Variants in EXOSC2 observed in about 807,000 individuals in gnomAD.
EXOSC2 encodes the protein exosome complex component RRP4.
EXOSC2 carries 29 observed loss-of-function variants against 37.6 expected under a neutral mutation model. The ratio of observed to expected loss-of-function variants is 0.77; its 90% CI spans 0.57 to 1.05. The LOEUF is 1.05. EXOSC2 is among the 50% of genes least tolerant of loss of function. EXOSC2 has a pLI of 0.00. For synonymous variants in EXOSC2, 119 were observed against 131.1 expected, an observed-to-expected ratio of 0.91 and a Z score of 0.63; for missense variants, 346 against 365.6, an observed-to-expected ratio of 0.95 and a Z score of 0.44.
At position 130,698,239 on chromosome 9, in the gene EXOSC2, T is replaced by C; in HGVS notation, c.348T>C (p.Pro116=). ...TGCTGCTCTCGTCCATGAACCTTCC[T>C]GGAGGAGAGCTGGTAAGGGCTACAG... ...SVLLLSSMNL[P]GGELRRRSAE... The change falls in exon 4 of 9, where the codon CCT becomes CCC. Residue 116 remains proline (P), a synonymous_variant. Transcript: ENST00000372358. The surrounding 1 kb of genome is among the most constrained non-coding windows in gnomAD (Gnocchi z 4.1). 1.9e-6 allele frequency: 3 copies of C among 1,614,026 alleles called. No individual in the cohort carries two copies. The highest frequency in any genetic ancestry group is 2.5e-6 in the Non-Finnish European group (3 of 1,179,990).
intron 6 of EXOSC2, chr9:130,701,838 G>A: frequency 8.8e-7 from 1 of 1,137,676 alleles, no homozygotes; most frequent in Non-Finnish European, 1.1e-6. Context: ...TTCCTCATTG[G>A]CTTCAGCTTC....
At chr9:130,701,896 C>A in intron 6 of EXOSC2, 18 of 1,327,192 alleles carry the variant, frequency 1.4e-5, no homozygotes, top group Non-Finnish European at 1.7e-5. Flanking sequence ...AGGAAGACTG[C>A]AAAGGGAAAT....
chr9:130,695,985 C>T (rs561848830), intron 2 of EXOSC2, among the ~76,000 whole-genome samples: 38 of 151,760 alleles, frequency 2.5e-4, no homozygotes, highest in African/African-American at 8.9e-4. Context: ...TTCAGCCTCC[C>T]GAGTAGCTGG....
intron 2 of EXOSC2, among the ~76,000 whole-genome samples, chr9:130,695,855 C>CTTTTTTTTTTTT (rs397721632): frequency 9.0e-6 from 1 of 111,206 alleles, no homozygotes; most frequent in Non-Finnish European, 1.8e-5. Flanking sequence ...AGGATTTTCT[C>CTTTTTTTTTTTT]TTTTTTTTTT....
In EXOSC2 at chr9:130,700,952, A is replaced by C; in HGVS notation, c.495+17A>C. On this transcript the variant is annotated intron_variant, in intron 6 of 8. Transcript: ENST00000372358. The stretch of plus-strand genomic sequence containing the variant: ...TATGGAAAAGTAAGTCGGGCTCTTG[A>C]TGTTCCTGTTTGCTGACTGAGACTA... 1 of 1,613,578 alleles carries C rather than the reference A, an allele frequency of 6.2e-7. No individual in the cohort carries two copies. The highest frequency in any genetic ancestry group is 8.5e-7 in the Non-Finnish European group (1 of 1,179,592).
In EXOSC2 at chr9:130,701,646, G is replaced by C. The variant is rs1453401714; in HGVS notation, c.496-488G>C. 9.1e-6 allele frequency: 9 copies of C among 984,062 alleles called. No individual in the cohort carries two copies. The African/African-American group carries it at 1.4e-4, about 15-fold the overall frequency. 61.0% of individuals were successfully genotyped at this position (984,062 alleles called of 1,614,324 possible). On this transcript the variant is annotated intron_variant, in intron 6 of 8. Coordinates refer to ENST00000372358, the MANE Select transcript of EXOSC2 (RefSeq NM_014285.7). ...CCTGGGTCCTGCGGACTCTTCCTTG[G>C]CAGGACGTGGACTTGAGCTGTCCTG...
chr9:130,702,222 T>C lies in EXOSC2; in HGVS notation c.584T>C (p.Val195Ala), dbSNP rs1387405544. 8.7e-6 allele frequency: 14 copies of C among 1,614,060 alleles called. No homozygotes were observed. Among genetic ancestry groups the C allele is most frequent in the Non-Finnish European group, 1.2e-5 (14 of 1,180,026 alleles). The change falls in exon 7 of 9, where the codon GTG becomes GCG. Residue 195 changes from valine to alanine, a missense_variant. Transcript: ENST00000372358. ...HFHDLPCGAS[V>A]ILGNNGFIWI... ...CATGATTTGCCATGTGGTGCCTCAGTGATTCTCGGTAACAACGGCTTCATC... is the reference window on the plus strand; with the variant it reads ...CATGATTTGCCATGTGGTGCCTCAGCGATTCTCGGTAACAACGGCTTCATC...
intron 6 of EXOSC2, 149 bp from the exon 7 acceptor site, chr9:130,701,985 A>G: frequency 3.5e-6 from 5 of 1,438,200 alleles, no homozygotes; most frequent in South Asian, 1.6e-5. Context: ...CTCTGCAAAA[A>G]TGTGTACTAT....
rs1458713289 is a variant in EXOSC2, at chr9:130,694,874, T to G, written c.123-618T>G. ...CACGCCACCATGCCTAGCTAATTTT[T>G]GGTTTTTTTTTTTTTTAGTAGAGAC... On this transcript the variant is annotated intron_variant, in intron 1 of 8. Transcript: ENST00000372358. The surrounding 1 kb of genome is among the most constrained non-coding windows in gnomAD (Gnocchi z 4.0). Among the ~76,000 whole-genome samples, 3 of 149,064 alleles carry G rather than the reference T, an allele frequency of 2.0e-5. No individual in the cohort carries two copies. Among genetic ancestry groups the G allele is most frequent in the African/African-American group, 7.4e-5 (3 of 40,564 alleles).
At chr9:130,700,698 C>T (rs1831197097) in intron 5 of EXOSC2, 169 bp from the exon 6 acceptor site, 1 of 570,018 alleles carries the variant, frequency 1.8e-6, no homozygotes, top group Non-Finnish European at 3.1e-6. Context: ...TCATGACAAC[C>T]AAGGGGAGAG....
intron 2 of EXOSC2, 73 bp from the exon 3 acceptor site, chr9:130,697,509 A>G (rs1831121360): frequency 6.9e-7 from 1 of 1,450,940 alleles, no homozygotes; most frequent in East Asian, 2.3e-5. Context: ...TTGAACCGAC[A>G]TCTCAAATGG....
chr9:130,699,477 A>G, intron 5 of EXOSC2, 83 bp downstream of exon 5: 1 of 1,325,176 alleles, frequency 7.5e-7, no homozygotes, highest in South Asian at 1.2e-5. Context: ...TCTCTGACGG[A>G]AGAACCATGT....
At chr9:130,701,454 T>G (rs1035399920) in intron 6 of EXOSC2, 2 of 252,974 alleles carry the variant, frequency 7.9e-6, no homozygotes, top group Non-Finnish European at 6.2e-6. Flanking sequence ...GAGAGCATAC[T>G]TCCTAAAACA....
At position 130,703,985 on chromosome 9, in the gene EXOSC2, T is replaced by G. The variant is rs530881474; in HGVS notation, c.*211T>G. The stretch of plus-strand genomic sequence containing the variant: ...AACAGTGCTTCCTTGGGTTGCCAGC[T>G]GAGTCCCGGTATTAGGGAATAGTTT... On this transcript the variant is annotated 3_prime_UTR_variant, in exon 9 of 9. Coordinates refer to ENST00000372358, the MANE Select transcript of EXOSC2 (RefSeq NM_014285.7). 9.4e-6 allele frequency: 4 copies of G among 427,604 alleles called. No individual in the cohort carries two copies. Among genetic ancestry groups the G allele is most frequent in the African/African-American group, 8.1e-5 (4 of 49,636 alleles). 26.5% of individuals were successfully genotyped at this position (427,604 alleles called of 1,614,324 possible).
At position 130,703,966 on chromosome 9, in the gene EXOSC2, GCTTC is replaced by G; in HGVS notation, c.*196_*199del. The G allele has an allele frequency of 2.2e-6, 1 of 458,620 alleles. No homozygotes were observed. The highest frequency in any genetic ancestry group is 3.3e-5 in the East Asian group (1 of 29,936). The allele number at this position is 458,620 out of a possible 1,614,324, so 28.4% of individuals were successfully genotyped here. A position where few individuals can be genotyped will look rare whatever the true frequency, so the allele number is the denominator to read the frequency against. ...CAAGCCTGGGTGGCAGATGAACAGT[GCTTC>G]CTTGGGTTGCCAGCTGAGTCCCGGT... On this transcript the variant is annotated 3_prime_UTR_variant, in exon 9 of 9. Coordinates refer to ENST00000372358, the MANE Select transcript of EXOSC2 (RefSeq NM_014285.7).
At chr9:130,696,026 AATTTTTTTCG>A (rs1831087532) in intron 2 of EXOSC2, among the ~76,000 whole-genome samples, 1 of 151,536 alleles carries the variant, frequency 6.6e-6, no homozygotes, top group Non-Finnish European at 1.5e-5. Flanking sequence ...ACGCCTGGCT[AATTTTTTTCG>A]ATTTTTAGTA....
chr9:130,702,367 G>GT lies in EXOSC2; in HGVS notation c.672+62dup. The GT allele has an allele frequency of 2.7e-6, 4 of 1,489,232 alleles. No homozygotes were observed. In the South Asian group the frequency reaches 4.8e-5, roughly 18 times the overall value. 92.3% of individuals were successfully genotyped at this position (1,489,232 alleles called of 1,614,324 possible). A position where few individuals can be genotyped will look rare whatever the true frequency, so the allele number is the denominator to read the frequency against. Reference sequence around the variant, plus strand: ...ATGGAGGGGGCTCAGTCTTTGCTGTGTTTTTGTGGCCAGTGAAGTTGGTTG... The same window carrying GT: ...ATGGAGGGGGCTCAGTCTTTGCTGTGTTTTTTGTGGCCAGTGAAGTTGGTTG... On this transcript the variant is annotated intron_variant, in intron 7 of 8. Transcript: ENST00000372358.
chr9:130,700,644 C>T (rs1383043506), intron 5 of EXOSC2, among the ~76,000 whole-genome samples: 2 of 151,990 alleles, frequency 1.3e-5, no homozygotes, highest in Non-Finnish European at 2.9e-5. Flanking sequence ...CAGGTGTGAG[C>T]CACCGCACCT....
intron 2 of EXOSC2, 75 bp from the exon 3 acceptor site, chr9:130,697,507 A>G (rs1335016734): frequency 2.1e-6 from 3 of 1,431,274 alleles, no homozygotes; most frequent in East Asian, 2.3e-5. Flanking sequence ...TGTTGAACCG[A>G]CATCTCAAAT....
Sources: gnomAD v4.1 joint callset for allele counts (sites outside exome capture counted in the v4.1 genomes callset) on GRCh38, gnomAD v4.1.1 for gene constraint, Gnocchi (gnomAD v3.1) non-coding constraint, MANE v1.5 for transcripts, NCBI Gene and HGNC (gene_info 2026-07-23, HGNC 2026-07-21) for gene names.